Variants in TSHZ2 observed in about 807,000 individuals in gnomAD.
The protein encoded by TSHZ2 is teashirt homolog 2.
A neutral mutation model predicts 74.4 loss-of-function variants in TSHZ2; 21 were observed. The observed-to-expected ratio is 0.28, with a 90% CI of 0.20 to 0.41. The LOEUF (loss-of-function observed/expected upper bound fraction) is 0.41, where lower values mean the gene tolerates loss of function less well. TSHZ2 is among the 10% of genes least tolerant of loss of function. The pLI is 1.00. For missense variants in TSHZ2, 1,244 were observed against 1,293.5 expected (o/e 0.96, Z 0.59); for synonymous variants, 540 against 515.3 (o/e 1.05, Z -0.65).
chr20:53,014,434 G>T (rs936097333), intron 1 of TSHZ2, among the ~76,000 whole-genome samples: 2 of 152,128 alleles, frequency 1.3e-5, no homozygotes, highest in Non-Finnish European at 2.9e-5. Context: ...TACATGTGAA[G>T]AATGCAGAAA....
intron 2 of TSHZ2, among the ~76,000 whole-genome samples, chr20:53,480,508 A>G (rs1286782043): frequency 6.6e-6 from 1 of 151,994 alleles, no homozygotes; most frequent in Non-Finnish European, 1.5e-5. Context: ...TCAAGGCTGC[A>G]GTGAACTATG....
intron 2 of TSHZ2, among the ~76,000 whole-genome samples, chr20:53,444,142 A>G (rs1305934131): frequency 6.6e-6 from 1 of 152,162 alleles, no homozygotes; most frequent in Non-Finnish European, 1.5e-5. Context: ...AGCCCAAGAA[A>G]TGGACAGGTC....
intron 1 of TSHZ2, among the ~76,000 whole-genome samples, chr20:53,064,811 C>A (rs1274802941): frequency 6.6e-6 from 1 of 152,048 alleles, no homozygotes; most frequent in South Asian, 2.1e-4. Context: ...GATATCTGGA[C>A]TTTTGACTCA....
intron 2 of TSHZ2, among the ~76,000 whole-genome samples, chr20:53,480,934 G>T (rs1282300623): frequency 2.6e-5 from 4 of 151,908 alleles, no homozygotes; most frequent in African/African-American, 9.7e-5. Context: ...TCTTCGCCTG[G>T]CTCTCCCTCA....
chr20:53,002,801 C>T (rs985058064), intron 1 of TSHZ2, among the ~76,000 whole-genome samples: 39 of 152,068 alleles, frequency 2.6e-4, no homozygotes, highest in African/African-American at 4.8e-5. Flanking sequence ...CCAGGTACGA[C>T]GTGTGTATTA....
chr20:53,043,985 G>T (rs544962608), intron 1 of TSHZ2, among the ~76,000 whole-genome samples: 1 of 152,316 alleles, frequency 6.6e-6, no homozygotes, highest in African/African-American at 2.4e-5. Context: ...AGTTTCCTAA[G>T]TAATCCTTCA....
At chr20:53,363,557 C>A (rs12625538) in intron 2 of TSHZ2, among the ~76,000 whole-genome samples, 22,413 of 152,260 alleles carry the variant, frequency 0.15, 2,189 homozygotes, top group South Asian at 0.34. Flanking sequence ...GTGAATCCAT[C>A]TCTGGTCTCC....
At chr20:53,366,779 T>C (rs1981277647) in intron 2 of TSHZ2, among the ~76,000 whole-genome samples, 1 of 152,218 alleles carries the variant, frequency 6.6e-6, no homozygotes, top group Non-Finnish European at 1.5e-5. Flanking sequence ...TCCTGCACAT[T>C]CTTGAAAGTA....
chr20:53,233,063 A>C, intron 1 of TSHZ2, among the ~76,000 whole-genome samples: 1 of 152,234 alleles, frequency 6.6e-6, no homozygotes, highest in East Asian at 1.9e-4. Flanking sequence ...AAAGATAAGC[A>C]AAATAAATTG....
chr20:53,395,747 G>A lies in TSHZ2; in HGVS notation c.*9-91397G>A, dbSNP rs141312664. Among the ~76,000 whole-genome samples the A allele has an allele frequency of 9.2e-4, 140 of 152,260 alleles. 1 individual carries two copies. Among genetic ancestry groups the A allele is most frequent in the African/African-American group, 3.3e-3 (139 of 41,540 alleles). On this transcript the variant is annotated intron_variant, in intron 2 of 2. Coordinates refer to ENST00000371497, the MANE Select transcript of TSHZ2 (RefSeq NM_173485.6). ...AAGTCATGAACATGACCGTGCAGAC[G>A]TGCCATTGACTAATTATTGTCCTGG...
At chr20:53,448,989 AG>A (rs1373072835) in intron 2 of TSHZ2, among the ~76,000 whole-genome samples, 2 of 152,228 alleles carry the variant, frequency 1.3e-5, no homozygotes, top group African/African-American at 4.8e-5. Flanking sequence ...CACAAAAAAA[AG>A]ATGTATATAA....
intron 2 of TSHZ2, among the ~76,000 whole-genome samples, chr20:53,454,773 C>T (rs1423765665): frequency 1.3e-5 from 2 of 152,062 alleles, no homozygotes; most frequent in African/African-American, 2.4e-5. Context: ...GAAATTGACT[C>T]TCCCAGTCAA....
chr20:53,239,690 T>C (rs570531299), intron 1 of TSHZ2, among the ~76,000 whole-genome samples: 2 of 152,238 alleles, frequency 1.3e-5, no homozygotes, highest in East Asian at 3.9e-4. Context: ...ATCAACCAGA[T>C]CTTCATGAAA....
rs376187841 is a variant in TSHZ2 at position 53,422,537 on chromosome 20, C to G, written c.*9-64607C>G. Among the ~76,000 whole-genome samples, 24 of 151,968 alleles carry G rather than the reference C, an allele frequency of 1.6e-4. 3 individuals carry two copies. Among genetic ancestry groups the G allele is most frequent in the Admixed American group, 1.5e-3 (23 of 15,252 alleles). On this transcript the variant is annotated intron_variant, in intron 2 of 2. Coordinates refer to ENST00000371497, the MANE Select transcript of TSHZ2 (RefSeq NM_173485.6). ...GAGTTGAAAAAAATCTCAGAACCAC[C>G]CCCCTCAGATGCAATTTCAAACATA...
intron 2 of TSHZ2, among the ~76,000 whole-genome samples, chr20:53,359,189 A>G (rs954332453): frequency 9.9e-5 from 15 of 152,204 alleles, no homozygotes; most frequent in African/African-American, 3.1e-4. Context: ...ATTAGGAGTT[A>G]CAAATTTGCT....
At chr20:53,054,490 AG>A (rs1984575413) in intron 1 of TSHZ2, among the ~76,000 whole-genome samples, 1 of 152,224 alleles carries the variant, frequency 6.6e-6, no homozygotes, top group Non-Finnish European at 1.5e-5. Flanking sequence ...TGTGAACAAA[AG>A]CAAATCCGCA....
chr20:53,287,761 A>G (rs1991196891), intron 2 of TSHZ2, among the ~76,000 whole-genome samples: 1 of 152,232 alleles, frequency 6.6e-6, no homozygotes, highest in African/African-American at 2.4e-5. Flanking sequence ...AACAAAAATC[A>G]TGGTAGATGA....
chr20:53,022,402 A>C (rs1600650594), intron 1 of TSHZ2, among the ~76,000 whole-genome samples: 1 of 152,106 alleles, frequency 6.6e-6, no homozygotes, highest in African/African-American at 2.4e-5. Flanking sequence ...CGTGCAGTAA[A>C]CTAGCTGCTT....
chr20:53,351,086 G>A lies in TSHZ2; in HGVS notation c.*8+94515G>A, dbSNP rs140387500. On this transcript the variant is annotated intron_variant, in intron 2 of 2. Coordinates refer to ENST00000371497, the MANE Select transcript of TSHZ2 (RefSeq NM_173485.6). ...AAATGTAACATTTCAATTGCAATTC[G>A]TTAGGAAGAAGCAAAGAAGGGGATA... 2.7e-3 allele frequency among the ~76,000 whole-genome samples: 409 copies of A among 152,288 alleles called. 1 individual carries two copies. The highest frequency in any genetic ancestry group is 4.3e-3 in the Non-Finnish European group (294 of 68,026).
Sources: allele counts gnomAD v4.1 joint callset (sites outside exome capture counted in the v4.1 genomes callset), GRCh38; gene constraint gnomAD v4.1.1; transcripts MANE v1.5; gene names NCBI Gene and HGNC (gene_info 2026-07-23, HGNC 2026-07-21).